The following MTMR7 variants were observed in gnomAD, a reference collection of about 807,000 sequenced individuals.
MTMR7 encodes the protein myotubularin related protein 7.
A neutral mutation model predicts 81.2 loss-of-function variants in MTMR7; 76 were observed. The observed-to-expected ratio is 0.94, with a 90% CI of 0.78 to 1.13. The LOEUF (loss-of-function observed/expected upper bound fraction) is 1.13. Ranked by LOEUF, MTMR7 falls within the 50% of genes most tolerant of loss-of-function variation. The probability of loss-of-function intolerance (pLI) is 0.00; values close to 1 mark genes in which losing one functional copy is unlikely to be tolerated. For synonymous variants in MTMR7, 372 were observed against 289.8 expected (o/e 1.28, Z -2.88); for missense variants, 1,044 against 820.0 (o/e 1.27, Z -3.34).
intron 4 of MTMR7, among the ~76,000 whole-genome samples, chr8:17,349,954 C>A (rs995315745): frequency 2.6e-5 from 4 of 152,172 alleles, no homozygotes; most frequent in African/African-American, 7.2e-5. Flanking sequence ...AGTGATACTG[C>A]AGCAACAATA....
chr8:17,348,570 G>GAAAAA (rs1819633898), intron 5 of MTMR7, among the ~76,000 whole-genome samples: 4 of 141,592 alleles, frequency 2.8e-5, no homozygotes, highest in African/African-American at 7.7e-5. Flanking sequence ...AAAAAAAAAC[G>GAAAAA]TAATAGAGAA....
In MTMR7 at chr8:17,348,982, C is replaced by T. The variant is rs748566130; in HGVS notation, c.568G>A (p.Val190Ile). Residue 190 changes from valine to isoleucine, a missense_variant, in exon 5 of 14, where the codon GTC becomes ATC. By Grantham distance (29) the Val-to-Ile change is conservative. Transcript: ENST00000180173. ...TTATCTTTATAATAGTAAGAAAGGA[C>T]AGGAAATCGCCGTCTACTCCGGAAT... ...SKFRSRRRFP[V>I]LSYYYKDNHA... 1.9e-5 allele frequency: 30 copies of T among 1,613,502 alleles called. No individual in the cohort carries two copies. Among genetic ancestry groups the T allele is most frequent in the Middle Eastern group, 1.6e-4 (1 of 6,084 alleles).
chr8:17,300,762 T>C (rs972801841), intron 13 of MTMR7, among the ~76,000 whole-genome samples: 4 of 152,218 alleles, frequency 2.6e-5, no homozygotes, highest in African/African-American at 9.6e-5. Flanking sequence ...TCATTAGCAG[T>C]CATTTCCCAT....
At chr8:17,328,067 A>C (rs10092572) in intron 7 of MTMR7, among the ~76,000 whole-genome samples, 1 of 152,100 alleles carries the variant, frequency 6.6e-6, no homozygotes, top group Non-Finnish European at 1.5e-5. Context: ...AACAGTATTA[A>C]TCTAACAGTC....
rs184903169 is a variant in MTMR7 at position 17,390,779 on chromosome 8, G to T, written c.25-17539C>A. On this transcript the variant is annotated intron_variant, in intron 1 of 13. Coordinates refer to ENST00000180173, the MANE Select transcript of MTMR7 (RefSeq NM_004686.5). ...AGAGAAGTACAGAATGAAAGGGGAA[G>T]AGCCCCTTATGAAATCATCAGCTCT... is the stretch of plus-strand genomic sequence containing the variant. Among the ~76,000 whole-genome samples, 51 of 152,274 alleles carry T rather than the reference G, an allele frequency of 3.3e-4. 1 individual carries two copies. The highest frequency in any genetic ancestry group is 1.1e-3 in the African/African-American group (47 of 41,574).
chr8:17,301,287 G>A (rs1259979413), intron 13 of MTMR7, among the ~76,000 whole-genome samples: 4 of 152,180 alleles, frequency 2.6e-5, no homozygotes, highest in Admixed American at 1.3e-4. Context: ...CTTGAAGAGG[G>A]ATGAAGTGGT....
chr8:17,300,338 T>C, intron 13 of MTMR7, 114 bp from the exon 14 acceptor site: 1 of 1,169,710 alleles, frequency 8.5e-7, no homozygotes, highest in East Asian at 2.6e-5. Context: ...TAAGAACATG[T>C]GACTCAGAGG....
intron 3 of MTMR7, among the ~76,000 whole-genome samples, chr8:17,364,707 G>C (rs996139647): frequency 6.6e-6 from 1 of 152,126 alleles, no homozygotes; most frequent in Non-Finnish European, 1.5e-5. Context: ...TCAGCATAAT[G>C]CTCTCTAATT....
intron 4 of MTMR7, among the ~76,000 whole-genome samples, chr8:17,356,224 T>G (rs73557556): frequency 3.9e-5 from 6 of 152,242 alleles, no homozygotes; most frequent in African/African-American, 1.4e-4. Context: ...TATCAGTACA[T>G]AGGAACCTTC....
At chr8:17,379,246 A>G (rs1444266455) in intron 1 of MTMR7, among the ~76,000 whole-genome samples, 1 of 152,174 alleles carries the variant, frequency 6.6e-6, no homozygotes, top group Non-Finnish European at 1.5e-5. Context: ...CCCATGAAAG[A>G]GCAGCTTGAG....
intron 1 of MTMR7, among the ~76,000 whole-genome samples, chr8:17,387,179 AGATATCCCAGGTATTCC>A (rs1352088831): frequency 6.6e-6 from 1 of 152,174 alleles, no homozygotes; most frequent in Non-Finnish European, 1.5e-5. Flanking sequence ...ATGCATGTGA[AGATATCCCAGGTATTCC>A]GATATCCCAG....
chr8:17,372,817 A>C (rs1389709075), intron 2 of MTMR7, among the ~76,000 whole-genome samples: 4 of 152,260 alleles, frequency 2.6e-5, no homozygotes, highest in African/African-American at 7.2e-5. Flanking sequence ...GACAATGCTG[A>C]ATCTGGCCTA....
At chr8:17,373,018 A>G in intron 2 of MTMR7, 100 bp downstream of exon 2, 4 of 1,433,676 alleles carry the variant, frequency 2.8e-6, no homozygotes, top group Non-Finnish European at 3.8e-6. Flanking sequence ...CCAGGCACAA[A>G]AGCCCACCCA....
At chr8:17,340,037 C>T (rs776951223) in intron 6 of MTMR7, among the ~76,000 whole-genome samples, 2 of 152,172 alleles carry the variant, frequency 1.3e-5, no homozygotes, top group Non-Finnish European at 2.9e-5. Flanking sequence ...CCGCAACCTC[C>T]GCCTCCCGTG....
chr8:17,297,746 CT>C lies in MTMR7; in HGVS notation c.*2115del, dbSNP rs140450759. The C allele has an allele frequency of 4.6e-5, 7 of 151,948 alleles. No individual in the cohort carries two copies. The East Asian group carries it at 1.4e-3, about 29-fold the overall frequency. 9.4% of individuals were successfully genotyped at this position (151,948 alleles called of 1,614,324 possible). On this transcript the variant is annotated 3_prime_UTR_variant, in exon 14 of 14. Transcript: ENST00000180173. The stretch of plus-strand genomic sequence containing the variant: ...TTAGTCTTGTTGGGGATATTTTAGT[CT>C]TGTTGGGTTAGCCATGCTCTGAAGA...
At chr8:17,359,112 G>A (rs1313173940) in intron 4 of MTMR7, among the ~76,000 whole-genome samples, 1 of 151,878 alleles carries the variant, frequency 6.6e-6, no homozygotes, top group Non-Finnish European at 1.5e-5. Flanking sequence ...TGCCCAGGCT[G>A]GTCTCAAACT....
At chr8:17,383,280 G>A (rs909311441) in intron 1 of MTMR7, among the ~76,000 whole-genome samples, 1 of 152,170 alleles carries the variant, frequency 6.6e-6, no homozygotes, top group Non-Finnish European at 1.5e-5. Context: ...CGTAACTGTG[G>A]TGCGTTCCTT....
intron 1 of MTMR7, among the ~76,000 whole-genome samples, chr8:17,393,065 G>A (rs1012901490): frequency 4.6e-5 from 7 of 152,160 alleles, no homozygotes; most frequent in Non-Finnish European, 8.8e-5. Flanking sequence ...TGTGGTATTG[G>A]CTAAGGATAG....
In MTMR7 at chr8:17,412,772, T is replaced by A. The variant is rs149808787; in HGVS notation, c.24+497A>T. ...CCCCTTGCAGCTGCTACGCTCAGGA[T>A]GAGGATGCTGACTGGGAAGGCCGAG... On this transcript the variant is annotated intron_variant, in intron 1 of 13. Coordinates refer to ENST00000180173, the MANE Select transcript of MTMR7 (RefSeq NM_004686.5). Among the ~76,000 whole-genome samples the A allele has an allele frequency of 3.5e-3, 539 of 152,272 alleles. 1 individual carries two copies. The highest frequency in any genetic ancestry group is 0.012 in the African/African-American group (504 of 41,556).
Sources: gnomAD v4.1 joint callset for allele counts (sites outside exome capture counted in the v4.1 genomes callset) on GRCh38, gnomAD v4.1.1 for gene constraint, MANE v1.5 for transcripts, NCBI Gene and HGNC (gene_info 2026-07-23, HGNC 2026-07-21) for gene names.